GALNT13: variants seen among roughly 807,000 people sequenced by gnomAD.
The protein encoded by GALNT13 is polypeptide N-acetylgalactosaminyltransferase 13, also known as UDP-GalNAc:polypeptide N-acetylgalactosaminyltransferase 13.
GALNT13 carries 28 observed loss-of-function variants against 64.2 expected under a neutral mutation model. The observed-to-expected ratio is 0.44, with a 90% CI of 0.32 to 0.60. The LOEUF is 0.60. Ranked by LOEUF, GALNT13 falls within the 20% of genes least tolerant of loss-of-function variation. The pLI is 0.05. For synonymous variants in GALNT13, 214 were observed against 224.6 expected, an observed-to-expected ratio of 0.95 and a Z score of 0.42; for missense variants, 577 against 669.8, an observed-to-expected ratio of 0.86 and a Z score of 1.53.
chr2:153,645,141 G>A, the GALNT13 span, among the ~76,000 whole-genome samples: 1 of 152,130 alleles, frequency 6.6e-6, no homozygotes, highest in East Asian at 1.9e-4. Context: ...AAGGTTACTT[G>A]AGATTACATC....
the GALNT13 span, among the ~76,000 whole-genome samples, chr2:153,570,594 A>G: frequency 6.6e-6 from 1 of 152,064 alleles, no homozygotes; most frequent in Non-Finnish European, 1.5e-5. Context: ...GGCTGAGGTC[A>G]TAAATTTAAG....
chr2:154,176,014 T>TA (rs1685625983), intron 4 of GALNT13, among the ~76,000 whole-genome samples: 1 of 151,464 alleles, frequency 6.6e-6, no homozygotes, highest in Non-Finnish European at 1.5e-5. Flanking sequence ...GTCAAGGTAG[T>TA]AAAAAAAAGG....
At chr2:154,051,279 C>CT (rs34890901) in intron 3 of GALNT13, among the ~76,000 whole-genome samples, 32,816 of 102,496 alleles carry the variant, frequency 0.32, 5,904 homozygotes, top group East Asian at 0.55. Context: ...CTTACTCCTT[C>CT]TTTTTTTTTT....
chr2:154,307,109 C>T (rs558754586), intron 9 of GALNT13, among the ~76,000 whole-genome samples: 1 of 152,146 alleles, frequency 6.6e-6, no homozygotes, highest in African/African-American at 2.4e-5. Context: ...TAGGTCAGAT[C>T]CCTTTCACTG....
At chr2:153,366,922 C>A in the GALNT13 span, among the ~76,000 whole-genome samples, 1 of 151,682 alleles carries the variant, frequency 6.6e-6, no homozygotes, top group African/African-American at 2.4e-5. Context: ...GAAGCAGGAA[C>A]CATTATTAAA....
chr2:154,102,212 C>G (rs1208796431), intron 3 of GALNT13, among the ~76,000 whole-genome samples: 1 of 152,264 alleles, frequency 6.6e-6, no homozygotes, highest in South Asian at 2.1e-4. Context: ...TTTTCTATCT[C>G]TCTATGATAA....
chr2:154,448,569 C>G (rs112213373), intron 12 of GALNT13, among the ~76,000 whole-genome samples: 2,763 of 152,114 alleles, frequency 0.018, 87 homozygotes, highest in African/African-American at 0.062. Flanking sequence ...AGTTGTTTGT[C>G]TCTGCAGCAG....
At chr2:154,224,170 G>A (rs114546102) in intron 4 of GALNT13, among the ~76,000 whole-genome samples, 3,008 of 152,096 alleles carry the variant, frequency 0.02, 84 homozygotes, top group African/African-American at 0.06. Flanking sequence ...CAAATAAGTC[G>A]TTGATTCATA....
chr2:153,532,785 A>G, the GALNT13 span, among the ~76,000 whole-genome samples: 2 of 152,210 alleles, frequency 1.3e-5, no homozygotes, highest in Non-Finnish European at 2.9e-5. Context: ...TCTCAAGTTC[A>G]AAGTTCCACA....
At chr2:153,727,406 T>C in the GALNT13 span, among the ~76,000 whole-genome samples, 1 of 152,126 alleles carries the variant, frequency 6.6e-6, no homozygotes, top group African/African-American at 2.4e-5. Context: ...ATTTGGTACT[T>C]TTTTTTATTC....
the GALNT13 span, among the ~76,000 whole-genome samples, chr2:153,857,327 C>T: frequency 1.3e-5 from 2 of 152,010 alleles, no homozygotes; most frequent in East Asian, 1.9e-4. Context: ...GATTTATGCA[C>T]CTATGATTTG....
chr2:153,629,310 A>T, the GALNT13 span, among the ~76,000 whole-genome samples: 1 of 151,924 alleles, frequency 6.6e-6, no homozygotes, highest in Non-Finnish European at 1.5e-5. Context: ...ATATAGATCA[A>T]TGGAACAGAA....
chr2:154,315,518 T>G (rs1384364623), intron 9 of GALNT13, among the ~76,000 whole-genome samples: 1 of 152,192 alleles, frequency 6.6e-6, no homozygotes, highest in African/African-American at 2.4e-5. Context: ...TCTTGATGCC[T>G]AAAGGCTGGT....
chr2:153,160,341 A>T, the GALNT13 span, among the ~76,000 whole-genome samples: 1 of 152,184 alleles, frequency 6.6e-6, no homozygotes, highest in Non-Finnish European at 1.5e-5. Context: ...TATTCAGTTG[A>T]TGGGGAAAGG....
At chr2:153,191,002 A>G in the GALNT13 span, among the ~76,000 whole-genome samples, 1 of 151,938 alleles carries the variant, frequency 6.6e-6, no homozygotes, top group African/African-American at 2.4e-5. Context: ...TAATTATAAG[A>G]TTATGTCATC....
chr2:154,277,226 G>A (rs1463385719), intron 8 of GALNT13, among the ~76,000 whole-genome samples: 2 of 152,100 alleles, frequency 1.3e-5, no homozygotes, highest in Non-Finnish European at 2.9e-5. Flanking sequence ...AACAAATTGA[G>A]CCTATTATTT....
rs1212862223 is a variant in GALNT13, at chr2:154,438,584, A to AT, written c.1396-4dup. The AT allele has an allele frequency of 6.2e-7, 1 of 1,600,868 alleles. No homozygotes were observed. On this transcript the variant is annotated splice_region_variant and splice_polypyrimidine_tract_variant and intron_variant, in intron 11 of 12. Coordinates refer to ENST00000392825, the MANE Select transcript of GALNT13 (RefSeq NM_052917.4). ...CATTTTTTTTATTAGCTGAATTTAT[A>AT]TTTTCAGGTATTTTCTTACACTGCT...
intron 4 of GALNT13, among the ~76,000 whole-genome samples, chr2:154,145,096 CTATCTATA>C (rs1455158148): frequency 7.2e-4 from 89 of 124,072 alleles, no homozygotes; most frequent in East Asian, 2.1e-3. Context: ...ATCTATCTAT[CTATCTATA>C]TATATATATA....
chr2:153,131,154 G>A, the GALNT13 span, among the ~76,000 whole-genome samples: 1 of 152,108 alleles, frequency 6.6e-6, no homozygotes, highest in Non-Finnish European at 1.5e-5. Context: ...AAAGACACCA[G>A]GACTAGATTG....
Sources: gnomAD v4.1 joint callset for allele counts (sites outside exome capture counted in the v4.1 genomes callset) on GRCh38, gnomAD v4.1.1 for gene constraint, MANE v1.5 for transcripts, NCBI Gene and HGNC (gene_info 2026-07-23, HGNC 2026-07-21) for gene names.